The following LPP variants were observed in gnomAD, a reference collection of about 807,000 sequenced individuals.
LPP encodes the protein lipoma-preferred partner.
Under a neutral mutation model 60.4 loss-of-function variants are expected in LPP, and 38 were observed. The observed-to-expected ratio is 0.63, with a 90% CI of 0.49 to 0.83. The LOEUF is 0.83. Among genes scored for constraint, LPP ranks in the 40% least tolerant of loss-of-function variants. The pLI is 0.00. For missense variants in LPP, 902 were observed against 783.6 expected (o/e 1.15, Z -1.80); for synonymous variants, 328 against 290.8 (o/e 1.13, Z -1.30).
chr3:188,777,447 T>C (rs1302374323), intron 9 of LPP, among the ~76,000 whole-genome samples: 1 of 152,188 alleles, frequency 6.6e-6, no homozygotes, highest in Admixed American at 6.5e-5. Context: ...GAATCATCAG[T>C]ATTTGGGAAA....
chr3:188,658,716 A>G (rs143587394), intron 7 of LPP, among the ~76,000 whole-genome samples: 67 of 152,326 alleles, frequency 4.4e-4, no homozygotes, highest in African/African-American at 1.5e-3. Flanking sequence ...TCTGGGAAGG[A>G]TTGACCCATC....
rs1022381497 is a variant in LPP, at chr3:188,883,866, A to G, written c.*9387A>G. The G allele has an allele frequency of 3.2e-5, 7 of 218,518 alleles. No homozygotes were observed. Among genetic ancestry groups the G allele is most frequent in the Non-Finnish European group, 6.4e-5 (7 of 108,910 alleles). 13.5% of individuals were successfully genotyped at this position (218,518 alleles called of 1,614,324 possible). A position where few individuals can be genotyped will look rare whatever the true frequency, so the allele number is the denominator to read the frequency against. ...TTTCTAGTTAGTTCATCTGTGGAAA[A>G]GGATATCGTTCTTGAGGAGAGGGGT... On this transcript the variant is annotated 3_prime_UTR_variant, in exon 12 of 12. Coordinates refer to ENST00000617246, the MANE Select transcript of LPP (RefSeq NM_001375462.1).
intron 9 of LPP, among the ~76,000 whole-genome samples, chr3:188,763,251 CTTT>C (rs547373113): frequency 7.1e-6 from 1 of 141,616 alleles, no homozygotes. Context: ...GTGTGCCTGT[CTTT>C]TTTTTTTTTT....
chr3:188,574,059 A>G (rs770595297), intron 6 of LPP, among the ~76,000 whole-genome samples: 1 of 152,218 alleles, frequency 6.6e-6, no homozygotes, highest in Non-Finnish European at 1.5e-5. Flanking sequence ...GCTCTGTTCA[A>G]TGGGACAGCA....
chr3:188,400,576 GTTC>G (rs1305045180), intron 3 of LPP, among the ~76,000 whole-genome samples: 3 of 152,138 alleles, frequency 2.0e-5, no homozygotes, highest in South Asian at 2.1e-4. Flanking sequence ...AACCTCTTAG[GTTC>G]TTCTTAATTG....
intron 5 of LPP, among the ~76,000 whole-genome samples, chr3:188,515,913 G>A (rs1231849901): frequency 7.1e-6 from 1 of 139,930 alleles, no homozygotes; most frequent in Non-Finnish European, 1.6e-5. Flanking sequence ...AAAAGTGCAA[G>A]TGATATTTTT....
intron 8 of LPP, among the ~76,000 whole-genome samples, chr3:188,751,946 A>C (rs528536270): frequency 6.6e-6 from 1 of 152,318 alleles, no homozygotes; most frequent in East Asian, 1.9e-4. Flanking sequence ...ATAAATATAA[A>C]TCTTAACCAA....
chr3:188,848,716 C>T (rs564085493), intron 9 of LPP, among the ~76,000 whole-genome samples: 76 of 152,230 alleles, frequency 5.0e-4, no homozygotes, highest in African/African-American at 1.8e-3. Flanking sequence ...GCCTATAATC[C>T]CAGCACTTTG....
At chr3:188,315,587 TA>T (rs1456215553) in intron 2 of LPP, among the ~76,000 whole-genome samples, 2 of 152,240 alleles carry the variant, frequency 1.3e-5, no homozygotes, top group African/African-American at 4.8e-5. Context: ...TCTTATTTTT[TA>T]GTTATTTGAC....
chr3:188,652,712 T>C (rs1852344922), intron 7 of LPP, among the ~76,000 whole-genome samples: 1 of 152,146 alleles, frequency 6.6e-6, no homozygotes, highest in Admixed American at 6.5e-5. Context: ...GAACAAGTCA[T>C]TTAACTGCCT....
chr3:188,782,681 G>A (rs1740195275), intron 9 of LPP, among the ~76,000 whole-genome samples: 1 of 151,334 alleles, frequency 6.6e-6, no homozygotes. Flanking sequence ...GCAATATTCT[G>A]ATGCAGATGA....
chr3:188,382,400 A>T (rs11923721), intron 3 of LPP, among the ~76,000 whole-genome samples: 7,877 of 152,246 alleles, frequency 0.052, 285 homozygotes, highest in East Asian at 0.2. Flanking sequence ...TTCTTTCAGC[A>T]TCAAATTCTA....
In LPP at chr3:188,609,845, G is replaced by GT; in HGVS notation, c.1113+2dup. ...CTGTGCGCCACCATTGCAGCCAAAG[G>GT]TAAGAAACTCAGTAACATAAGGAGG... is the stretch of plus-strand genomic sequence containing the variant. On this transcript the variant is annotated splice_donor_variant, in intron 7 of 11. Transcript: ENST00000617246. LOFTEE classifies it high-confidence loss of function. This position sits in a 1 kb window ranked among gnomAD's most constrained non-coding sequence, Gnocchi z 6.9. The GT allele has an allele frequency of 6.2e-7, 1 of 1,606,184 alleles. No homozygotes were observed. The highest frequency in any genetic ancestry group is 1.1e-5 in the South Asian group (1 of 90,040).
At chr3:188,272,041 G>A (rs971494361) in intron 2 of LPP, among the ~76,000 whole-genome samples, 4 of 152,140 alleles carry the variant, frequency 2.6e-5, no homozygotes, top group Non-Finnish European at 5.9e-5. Context: ...AGTCCTGGGA[G>A]GAAGAGAAGG....
chr3:188,482,587 C>A (rs1006114730), intron 4 of LPP, among the ~76,000 whole-genome samples: 1 of 146,746 alleles, frequency 6.8e-6, no homozygotes, highest in African/African-American at 2.5e-5. Context: ...GTCTTCTATC[C>A]CCAAGATTCT....
At chr3:188,357,873 T>G (rs566152646) in intron 3 of LPP, among the ~76,000 whole-genome samples, 1 of 152,342 alleles carries the variant, frequency 6.6e-6, no homozygotes, top group East Asian at 1.9e-4. Context: ...CTTTTACTCC[T>G]TGCTAGAGTG....
chr3:188,830,922 T>G (rs1317155395), intron 9 of LPP, among the ~76,000 whole-genome samples: 1 of 152,242 alleles, frequency 6.6e-6, no homozygotes, highest in East Asian at 1.9e-4. Flanking sequence ...CCTTTGAGAC[T>G]TGGAAATATT....
At chr3:188,837,848 G>A (rs529914447) in intron 9 of LPP, among the ~76,000 whole-genome samples, 2 of 152,288 alleles carry the variant, frequency 1.3e-5, no homozygotes, top group South Asian at 4.1e-4. Context: ...AAATGAGACA[G>A]CCCTTGCTTT....
In LPP at chr3:188,609,553, C is replaced by G. The variant is rs150933081; in HGVS notation, c.822C>G (p.Ala274=). Residue 274 remains alanine, a synonymous_variant, in exon 7 of 12, where the codon GCC becomes GCG. Transcript: ENST00000617246. This position sits in a 1 kb window ranked among gnomAD's most constrained non-coding sequence, Gnocchi z 6.9. ...PPSTRGGMDY[A]YIPPPGLQPE... The stretch of plus-strand genomic sequence containing the variant: ...CAACACGGGGAGGCATGGATTATGC[C>G]TACATTCCACCACCAGGACTTCAGC... 8.1e-5 allele frequency: 130 copies of G among 1,614,060 alleles called. No homozygotes were observed. Among genetic ancestry groups the G allele is most frequent in the Non-Finnish European group, 1.1e-4 (125 of 1,180,046 alleles).
Sources: allele counts gnomAD v4.1 joint callset (sites outside exome capture counted in the v4.1 genomes callset), GRCh38; gene constraint gnomAD v4.1.1; non-coding constraint Gnocchi (gnomAD v3.1); transcripts MANE v1.5; gene names NCBI Gene and HGNC (gene_info 2026-07-23, HGNC 2026-07-21).